AUTS2: variants seen among roughly 807,000 people sequenced by gnomAD.
AUTS2 encodes the protein activator of transcription and developmental regulator AUTS2, also known as autism susceptibility gene 2 protein.
A neutral mutation model predicts 112.4 loss-of-function variants in AUTS2; 17 were observed. That is an observed-to-expected ratio of 0.15 (90% CI 0.10 to 0.23). AUTS2 has a LOEUF of 0.23. AUTS2 is among the 10% of genes least tolerant of loss of function. The probability of loss-of-function intolerance (pLI) is 1.00; values close to 1 mark genes in which losing one functional copy is unlikely to be tolerated. For missense variants in AUTS2, 1,510 were observed against 1,701.6 expected, an observed-to-expected ratio of 0.89 and a Z score of 1.98; for synonymous variants, 751 against 702.7, an observed-to-expected ratio of 1.07 and a Z score of -1.09.
intron 6 of AUTS2, among the ~76,000 whole-genome samples, chr7:70,745,916 G>A (rs1039229442): frequency 6.6e-6 from 1 of 152,064 alleles, no homozygotes; most frequent in South Asian, 2.1e-4. Flanking sequence ...ACATGTAATT[G>A]TTTATTGAGT....
At chr7:70,039,353 G>T (rs1314886880) in intron 2 of AUTS2, among the ~76,000 whole-genome samples, 11 of 137,168 alleles carry the variant, frequency 8.0e-5, no homozygotes, top group African/African-American at 3.6e-4. Context: ...TTGGGTTTTT[G>T]TTGTTGTTGT....
chr7:70,423,802 G>A (rs574413522), intron 4 of AUTS2, among the ~76,000 whole-genome samples: 2 of 152,168 alleles, frequency 1.3e-5, no homozygotes, highest in South Asian at 4.2e-4. Flanking sequence ...TGTTTGTCTG[G>A]GTGGTTGTTT....
chr7:70,700,975 T>TAACA (rs1809425866), intron 6 of AUTS2, among the ~76,000 whole-genome samples: 1 of 152,216 alleles, frequency 6.6e-6, no homozygotes, highest in South Asian at 2.1e-4. Context: ...TTACACCAGG[T>TAACA]AACAAACACA....
rs541747935 is a variant in AUTS2, at chr7:70,117,137, G to GT, written c.523-984dup. On this transcript the variant is annotated intron_variant, in intron 2 of 18. Transcript: ENST00000342771. ...TTTTTGTTTTTTTTTGTTTTTTTTT[G>GT]TTTTTTTTTTTGGTGTAGTACCATA... is the stretch of plus-strand genomic sequence containing the variant. Among the ~76,000 whole-genome samples the GT allele has an allele frequency of 3.7e-3, 229 of 61,870 alleles. 4 individuals carry two copies. Among genetic ancestry groups the GT allele is most frequent in the East Asian group, 0.012 (24 of 1,926 alleles). The allele number at this position is 61,870 out of a possible 152,430, so 40.6% of individuals were successfully genotyped here. A position where few individuals can be genotyped will look rare whatever the true frequency, so the allele number is the denominator to read the frequency against.
In AUTS2 at chr7:69,713,377, A is replaced by T. The variant is rs368099987; in HGVS notation, c.309+113415A>T. Among the ~76,000 whole-genome samples, 21 of 152,130 alleles carry T rather than the reference A, an allele frequency of 1.4e-4. No individual in the cohort carries two copies. In the East Asian group the frequency reaches 1.9e-3, roughly 14 times the overall value. ...ACCAGAAATTATTCCTCCTATCTGT[A>T]ATCTTGTACCTGTTGACCAATCTCT... On this transcript the variant is annotated intron_variant, in intron 1 of 18. Coordinates refer to ENST00000342771, the MANE Select transcript of AUTS2 (RefSeq NM_015570.4).
At chr7:70,453,780 C>T (rs893265579) in intron 5 of AUTS2, among the ~76,000 whole-genome samples, 3 of 152,186 alleles carry the variant, frequency 2.0e-5, no homozygotes, top group African/African-American at 4.8e-5. Flanking sequence ...TAAGGACACT[C>T]GTGGTGGCAT....
chr7:70,241,293 C>T (rs921945903), intron 4 of AUTS2, among the ~76,000 whole-genome samples: 7 of 152,072 alleles, frequency 4.6e-5, no homozygotes, highest in Non-Finnish European at 1.0e-4. Flanking sequence ...TAACACAAAT[C>T]GTTTTGATTT....
chr7:70,206,469 A>C (rs1210527202), intron 4 of AUTS2, among the ~76,000 whole-genome samples: 1 of 152,142 alleles, frequency 6.6e-6, no homozygotes, highest in African/African-American at 2.4e-5. Context: ...ATGAAATTCT[A>C]ATGAGAAAAA....
intron 1 of AUTS2, among the ~76,000 whole-genome samples, chr7:69,773,458 CAAA>C (rs746707793): frequency 1.2e-4 from 7 of 56,370 alleles, no homozygotes; most frequent in Admixed American, 1.9e-4. Context: ...AGGCACAGAC[CAAA>C]AAAAAAAAAA....
intron 2 of AUTS2, among the ~76,000 whole-genome samples, chr7:70,018,341 T>TA (rs951486445): frequency 2.0e-5 from 3 of 152,164 alleles, no homozygotes; most frequent in Admixed American, 1.3e-4. Context: ...ATCAATCATT[T>TA]AAAAAAATCA....
At position 70,429,894 on chromosome 7, in the gene AUTS2, G is replaced by A. The variant is rs147926932; in HGVS notation, c.661-5858G>A. On this transcript the variant is annotated intron_variant, in intron 4 of 18. Transcript: ENST00000342771. ...TTAAGAAGCATTGTGTTGAGAGAGT[G>A]GTTGGGATTTGGGAGTTGAGGGGGA... 1.7e-3 allele frequency among the ~76,000 whole-genome samples: 265 copies of A among 152,288 alleles called. 1 individual carries two copies. The highest frequency in any genetic ancestry group is 6.1e-3 in the African/African-American group (252 of 41,548).
At chr7:69,708,460 G>C (rs562979388) in intron 1 of AUTS2, among the ~76,000 whole-genome samples, 2 of 152,328 alleles carry the variant, frequency 1.3e-5, no homozygotes, top group South Asian at 4.1e-4. Flanking sequence ...GGGGACTGGA[G>C]GTAGTGGTCA....
chr7:70,086,633 T>C (rs1249099886), intron 2 of AUTS2, among the ~76,000 whole-genome samples: 1 of 116,892 alleles, frequency 8.6e-6, no homozygotes, highest in Non-Finnish European at 1.6e-5. Flanking sequence ...TGAGTGAGAC[T>C]CCATCTCAAA....
At chr7:70,078,787 C>T (rs1281110036) in intron 2 of AUTS2, among the ~76,000 whole-genome samples, 2 of 152,186 alleles carry the variant, frequency 1.3e-5, no homozygotes, top group Non-Finnish European at 2.9e-5. Flanking sequence ...CTGTTTCATA[C>T]TGAGAAGACT....
intron 2 of AUTS2, among the ~76,000 whole-genome samples, chr7:70,091,145 C>T (rs1028825249): frequency 3.3e-5 from 5 of 152,128 alleles, no homozygotes; most frequent in African/African-American, 4.8e-5. Flanking sequence ...AAATGTTTCA[C>T]AGTCTTTGCA....
chr7:70,609,966 T>TTGC lies in AUTS2; in HGVS notation c.691-88601_691-88600insCTG, dbSNP rs199922664. 2.4e-3 allele frequency among the ~76,000 whole-genome samples: 145 copies of TTGC among 60,796 alleles called. 2 individuals are homozygous for TTGC. The East Asian group carries it at 0.095, about 40-fold the overall frequency. 39.9% of individuals were successfully genotyped at this position (60,796 alleles called of 152,430 possible). On this transcript the variant is annotated intron_variant, in intron 5 of 18. Transcript: ENST00000342771. Reference sequence around the variant, plus strand: ...CATATGGAAGTTCTGTTTTTTGTTGTTGTTGTTGTTGTTGTTGTTGTTGTT... The same window carrying TTGC: ...CATATGGAAGTTCTGTTTTTTGTTGTTGCTGTTGTTGTTGTTGTTGTTGTTGTT...
intron 4 of AUTS2, among the ~76,000 whole-genome samples, chr7:70,361,967 C>T (rs1046557536): frequency 5.3e-5 from 8 of 152,184 alleles, no homozygotes; most frequent in African/African-American, 1.9e-4. Flanking sequence ...TTAGGGTAGA[C>T]TTAACCCTTT....
At chr7:70,318,981 A>G (rs1209196064) in intron 4 of AUTS2, among the ~76,000 whole-genome samples, 1 of 152,160 alleles carries the variant, frequency 6.6e-6, no homozygotes, top group Non-Finnish European at 1.5e-5. Context: ...TTCAAGCAAG[A>G]TGGAAGGGTC....
intron 1 of AUTS2, among the ~76,000 whole-genome samples, chr7:69,686,011 TC>T (rs1319553334): frequency 6.6e-6 from 1 of 152,158 alleles, no homozygotes; most frequent in East Asian, 1.9e-4. Flanking sequence ...CCTTCTGTTT[TC>T]AAATATTTAG....
Sources: gnomAD v4.1 joint callset for allele counts (sites outside exome capture counted in the v4.1 genomes callset) on GRCh38, gnomAD v4.1.1 for gene constraint, MANE v1.5 for transcripts, NCBI Gene and HGNC (gene_info 2026-07-23, HGNC 2026-07-21) for gene names.